The following GRIK2 variants were observed in gnomAD, a reference collection of about 807,000 sequenced individuals.
GRIK2 encodes the protein glutamate receptor ionotropic, kainate 2.
GRIK2 carries 32 observed loss-of-function variants against 100.3 expected under a neutral mutation model. The ratio of observed to expected loss-of-function variants is 0.32; its 90% CI spans 0.24 to 0.43. The LOEUF is 0.43. GRIK2 is among the 20% of genes least tolerant of loss of function. The probability of loss-of-function intolerance (pLI) is 1.00; values close to 1 mark genes in which losing one functional copy is unlikely to be tolerated. For synonymous variants in GRIK2, 417 were observed against 389.4 expected, an observed-to-expected ratio of 1.07 and a Z score of -0.83; for missense variants, 843 against 1,114.9, an observed-to-expected ratio of 0.76 and a Z score of 3.47.
chr6:101,571,478 A>C (rs1777529485), intron 2 of GRIK2, among the ~76,000 whole-genome samples: 1 of 152,092 alleles, frequency 6.6e-6, no homozygotes, highest in Admixed American at 6.6e-5. Context: ...ATTCATATTT[A>C]GTTTATCTTT....
rs60301711 is a variant in GRIK2 at position 101,719,138 on chromosome 6, G to GTTTTTTTTTTTTTTTTTTTTTTTTTTTT, written c.951+32796_951+32823dup. On this transcript the variant is annotated intron_variant, in intron 7 of 16. Transcript: ENST00000369134. ...CTGAAATGTGCAACAGGCTGCAAGGGTTTTTTTTTTTTTTTTTTTTTTTTT... is the reference window on the plus strand; with the variant it reads ...CTGAAATGTGCAACAGGCTGCAAGGGTTTTTTTTTTTTTTTTTTTTTTTTTTTTTTTTTTTTTTTTTTTTTTTTTTTTT... Among the ~76,000 whole-genome samples the GTTTTTTTTTTTTTTTTTTTTTTTTTTTT allele has an allele frequency of 8.9e-5, 9 of 101,168 alleles. 1 individual carries two copies. The highest frequency in any genetic ancestry group is 4.0e-4 in the African/African-American group (8 of 20,100). 66.4% of individuals were successfully genotyped at this position (101,168 alleles called of 152,430 possible).
intron 2 of GRIK2, among the ~76,000 whole-genome samples, chr6:101,612,036 G>T (rs1157377361): frequency 6.6e-6 from 1 of 151,914 alleles, no homozygotes; most frequent in East Asian, 1.9e-4. Flanking sequence ...ATAAAGAGTG[G>T]CAATATTACC....
At chr6:102,025,716 T>A (rs1321176531) in intron 14 of GRIK2, among the ~76,000 whole-genome samples, 1 of 151,320 alleles carries the variant, frequency 6.6e-6, no homozygotes, top group East Asian at 1.9e-4. Flanking sequence ...TTGTAATGCA[T>A]TATAAGACTT....
chr6:101,964,235 CAA>C (rs1160144005), intron 14 of GRIK2, among the ~76,000 whole-genome samples: 1 of 151,020 alleles, frequency 6.6e-6, no homozygotes, highest in Non-Finnish European at 1.5e-5. Context: ...TATAATAAAA[CAA>C]TGCTAACACA....
At chr6:102,014,701 C>T (rs372538949) in intron 14 of GRIK2, among the ~76,000 whole-genome samples, 2 of 152,232 alleles carry the variant, frequency 1.3e-5, no homozygotes, top group East Asian at 3.9e-4. Context: ...ACTGCAAAGT[C>T]ATTCAGGAGC....
At chr6:101,781,591 T>A (rs1352526167) in intron 7 of GRIK2, among the ~76,000 whole-genome samples, 1 of 152,122 alleles carries the variant, frequency 6.6e-6, no homozygotes, top group Non-Finnish European at 1.5e-5. Context: ...GGTATATACA[T>A]ACATACATAT....
At chr6:101,467,749 G>A (rs2248237) in intron 2 of GRIK2, among the ~76,000 whole-genome samples, 39,992 of 151,956 alleles carry the variant, frequency 0.26, 5,917 homozygotes, top group East Asian at 0.36. Context: ...GCAATACAGT[G>A]AAACATCTAC....
rs201917715 is a variant in GRIK2, at chr6:101,707,600, A to G, written c.951+21247A>G. Among the ~76,000 whole-genome samples the G allele has an allele frequency of 1.1e-3, 134 of 122,124 alleles. 3 individuals are homozygous for G. Among genetic ancestry groups the G allele is most frequent in the South Asian group, 2.8e-3 (10 of 3,620 alleles). The allele number at this position is 122,124 out of a possible 152,430, so 80.1% of individuals were successfully genotyped here. A position where few individuals can be genotyped will look rare whatever the true frequency, so the allele number is the denominator to read the frequency against. The stretch of plus-strand genomic sequence containing the variant: ...TATGTGTGTGTGTGTGTGTGTATAT[A>G]TGTGTGTATATATATATATATATAT... On this transcript the variant is annotated intron_variant, in intron 7 of 16. Transcript: ENST00000369134.
chr6:102,003,995 G>A (rs573217824), intron 14 of GRIK2, among the ~76,000 whole-genome samples: 201 of 149,274 alleles, frequency 1.3e-3, no homozygotes, highest in Non-Finnish European at 2.2e-3. Context: ...TTCCATCTAT[G>A]TTTCTGTAGA....
intron 10 of GRIK2, among the ~76,000 whole-genome samples, chr6:101,821,880 A>C (rs544259177): frequency 1.1e-4 from 17 of 152,202 alleles, no homozygotes; most frequent in Admixed American, 7.2e-4. Context: ...CTACATTATG[A>C]ATAATGACAT....
At chr6:101,811,068 AC>A (rs1391785371) in intron 9 of GRIK2, among the ~76,000 whole-genome samples, 1 of 152,092 alleles carries the variant, frequency 6.6e-6, no homozygotes, top group East Asian at 1.9e-4. Context: ...CGGGGTGCCA[AC>A]TTTTTTCCAA....
At chr6:101,742,713 G>C (rs1312144281) in intron 7 of GRIK2, among the ~76,000 whole-genome samples, 3 of 152,194 alleles carry the variant, frequency 2.0e-5, no homozygotes, top group African/African-American at 7.2e-5. Flanking sequence ...GAATATCTGG[G>C]TTAAGATAAG....
chr6:101,418,485 T>A (rs931129773), intron 2 of GRIK2, among the ~76,000 whole-genome samples: 2 of 152,178 alleles, frequency 1.3e-5, no homozygotes, highest in African/African-American at 4.8e-5. Flanking sequence ...AATACTGCTC[T>A]ACAGACGTCA....
chr6:101,582,498 A>G (rs1778150221), intron 2 of GRIK2, among the ~76,000 whole-genome samples: 1 of 152,048 alleles, frequency 6.6e-6, no homozygotes, highest in South Asian at 2.1e-4. Flanking sequence ...CCATGATTGT[A>G]AGTTTCCTGA....
At chr6:101,438,088 C>T in intron 2 of GRIK2, among the ~76,000 whole-genome samples, 1 of 152,044 alleles carries the variant, frequency 6.6e-6, no homozygotes, top group East Asian at 1.9e-4. Flanking sequence ...ACATATTGTC[C>T]ATCAAATGAA....
intron 4 of GRIK2, among the ~76,000 whole-genome samples, chr6:101,671,085 G>T (rs1200814689): frequency 1.3e-5 from 2 of 152,096 alleles, no homozygotes; most frequent in Non-Finnish European, 2.9e-5. Context: ...TTCACCTAGG[G>T]TTGTTATTTG....
intron 14 of GRIK2, among the ~76,000 whole-genome samples, chr6:101,940,012 G>A (rs2791807): frequency 0.042 from 6,410 of 152,162 alleles, 468 homozygotes; most frequent in African/African-American, 0.15. Context: ...TGTGTTGAAG[G>A]AAGTGTTGAT....
chr6:101,647,236 A>G (rs549870812), intron 4 of GRIK2, among the ~76,000 whole-genome samples: 2 of 152,078 alleles, frequency 1.3e-5, no homozygotes, highest in Non-Finnish European at 2.9e-5. Context: ...ACAGAAAGAA[A>G]CAAGCTTCTA....
Position 101,909,669 on chromosome 6 carries a change from A to G in GRIK2, c.1749-14932A>G, listed in dbSNP as rs975800495. Among the ~76,000 whole-genome samples the G allele has an allele frequency of 1.4e-4, 16 of 112,114 alleles. No individual in the cohort carries two copies. In the Admixed American group the frequency reaches 1.5e-3, roughly 10 times the overall value. 73.6% of individuals were successfully genotyped at this position (112,114 alleles called of 152,430 possible). A position where few individuals can be genotyped will look rare whatever the true frequency, so the allele number is the denominator to read the frequency against. On this transcript the variant is annotated intron_variant, in intron 12 of 16. Transcript: ENST00000369134. ...AAAGCATCCTTGGGAAATGCATAAA[A>G]TATGTTCATTGCCTTTTTGAAAAAA...
Sources: gnomAD v4.1 joint callset for allele counts (sites outside exome capture counted in the v4.1 genomes callset) on GRCh38, gnomAD v4.1.1 for gene constraint, MANE v1.5 for transcripts, NCBI Gene and HGNC (gene_info 2026-07-23, HGNC 2026-07-21) for gene names.